Variants in SHOX observed in about 807,000 individuals in gnomAD.
SHOX encodes the protein short stature homeobox protein.
In SHOX, 12 loss-of-function variants were observed where a neutral mutation model predicts 29.6. That is an observed-to-expected ratio of 0.41 (90% CI 0.26 to 0.66). The LOEUF is 0.66. Ranked by LOEUF, SHOX falls within the 30% of genes least tolerant of loss-of-function variation. The probability of loss-of-function intolerance (pLI) is 0.35; values close to 1 mark genes in which losing one functional copy is unlikely to be tolerated. For synonymous variants in SHOX, 214 were observed against 200.6 expected, an observed-to-expected ratio of 1.07 and a Z score of -0.57; for missense variants, 499 against 437.7, an observed-to-expected ratio of 1.14 and a Z score of -1.25.
At position 648,341 on chromosome X, in the gene SHOX, C is replaced by T. The variant is rs779275972; in HGVS notation, c.*3705C>T. Among the ~76,000 whole-genome samples, 3 of 151,668 alleles carry T rather than the reference C, an allele frequency of 2.0e-5. No individual in the cohort carries two copies. Among genetic ancestry groups the T allele is most frequent in the South Asian group, 4.2e-4 (2 of 4,784 alleles). On this transcript the variant is annotated 3_prime_UTR_variant, in exon 5 of 5. Transcript: ENST00000686671. ...GGTAGTTTTAGTAGAGACAGGGTTT[C>T]AGCCTCCCGAGTAGCTGGGATTACA...
intron 5 of SHOX, among the ~76,000 whole-genome samples, chrX:656,921 G>A (rs113820839): frequency 1.7e-5 from 1 of 57,648 alleles, no homozygotes; most frequent in East Asian, 9.1e-4. Context: ...GCAAGACTCC[G>A]TCTCAAAAAA....
At chrX:644,213 G>A (rs1223014530) in intron 4 of SHOX, 178 bp from the exon 5 acceptor site, 2 of 473,556 alleles carry the variant, frequency 4.2e-6, no homozygotes, top group African/African-American at 2.1e-5. Flanking sequence ...CAGTGGCAGC[G>A]CCAATTCTGG....
At chrX:629,934 A>AT (rs2052617316), upstream of SHOX, among the ~76,000 whole-genome samples, 1 of 152,218 alleles carries the variant, frequency 6.6e-6, no homozygotes, top group East Asian at 1.9e-4. Flanking sequence ...AAACACAAGT[A>AT]TTTTTTTCAC....
intron 1 of SHOX, chrX:631,851 A>T: frequency 2.2e-6 from 1 of 454,902 alleles, no homozygotes; most frequent in Non-Finnish European, 4.4e-6. Flanking sequence ...ACGGCTTAGG[A>T]TGTGTGTTTC....
chrX:624,766 T>C (rs1039662099), intron 1 of SHOX, among the ~76,000 whole-genome samples: 3 of 123,736 alleles, frequency 2.4e-5, no homozygotes, highest in Non-Finnish European at 3.4e-5. Context: ...CTTGGCAAGA[T>C]TGGTTTTGGA....
In SHOX at chrX:647,152, C is replaced by T. The variant is rs1257017126; in HGVS notation, c.*2516C>T. Among the ~76,000 whole-genome samples the T allele has an allele frequency of 6.6e-6, 1 of 152,246 alleles. No individual in the cohort carries two copies. The highest frequency in any genetic ancestry group is 1.5e-5 in the Non-Finnish European group (1 of 68,038). ...AGTGCAGTGGCACAATCTCGGCTCA[C>T]CGCAACCTCCGCCTCCCGGGTTCAA... On this transcript the variant is annotated 3_prime_UTR_variant, in exon 5 of 5. Transcript: ENST00000686671.
intron 1 of SHOX, among the ~76,000 whole-genome samples, chrX:625,697 G>C (rs2052516131): frequency 1.4e-5 from 1 of 70,938 alleles, no homozygotes. Context: ...CTCTTCCTCT[G>C]TCTCTCTTTC....
chrX:633,639 A>T (rs1337836430), intron 1 of SHOX, among the ~76,000 whole-genome samples: 1 of 152,028 alleles, frequency 6.6e-6, no homozygotes, highest in African/African-American at 2.4e-5. Context: ...CTGTTTCCAG[A>T]CTAAACTTCC....
intron 1 of SHOX, among the ~76,000 whole-genome samples, chrX:625,693 C>G (rs1398591275): frequency 1.1e-5 from 1 of 90,658 alleles, no homozygotes; most frequent in African/African-American, 6.4e-5. Flanking sequence ...TTCTCTCTTC[C>G]TCTGTCTCTC....
In SHOX at chrX:645,433, C is replaced by A. The variant is rs2052950233; in HGVS notation, c.*797C>A. ...TTTTTTTTTTTTTTTTGCTGTGTTA[C>A]AGGATTCAGACGCAAAAGACTTGCA... On this transcript the variant is annotated 3_prime_UTR_variant, in exon 5 of 5. Coordinates refer to ENST00000686671, the MANE Select transcript of SHOX (RefSeq NM_000451.4). The A allele has an allele frequency of 9.4e-6, 1 of 106,028 alleles. No homozygotes were observed. The highest frequency in any genetic ancestry group is 3.4e-4 in the East Asian group (1 of 2,966). 6.6% of individuals were successfully genotyped at this position (106,028 alleles called of 1,614,324 possible).
rs2052709849 is a variant in SHOX at position 634,650 on chromosome X, G to T, written c.310G>T (p.Val104Leu). ...IYECKEKREDVKSEDEDGQTK... is the reference protein window; with the variant it reads ...IYECKEKREDLKSEDEDGQTK... ...TGAATGCAAAGAGAAGCGCGAGGAC[G>T]TGAAGTCGGAGGACGAGGACGGGCA... Residue 104 changes from valine to leucine, a missense_variant, in exon 2 of 5, where the codon GTG becomes TTG. Coordinates refer to ENST00000686671, the MANE Select transcript of SHOX (RefSeq NM_000451.4). 3 of 1,613,886 alleles carry T rather than the reference G, an allele frequency of 1.9e-6. No individual in the cohort carries two copies. In the East Asian group the frequency reaches 6.7e-5, roughly 36 times the overall value.
In SHOX at chrX:651,023, C is replaced by T. The variant is rs1202185119; in HGVS notation, c.*6387C>T. On this transcript the variant is annotated 3_prime_UTR_variant, in exon 5 of 5. Coordinates refer to ENST00000686671, the MANE Select transcript of SHOX (RefSeq NM_000451.4). ...GAAAGGGGATGTGGCTTCACGAGTT[C>T]AGCCCATTGTACGTGCAGGTCCCGT... Among the ~76,000 whole-genome samples, 1 of 152,026 alleles carries T rather than the reference C, an allele frequency of 6.6e-6. No individual in the cohort carries two copies. Among genetic ancestry groups the T allele is most frequent in the Non-Finnish European group, 1.5e-5 (1 of 68,022 alleles).
upstream of SHOX, among the ~76,000 whole-genome samples, chrX:627,630 G>A (rs1271881532): frequency 1.3e-5 from 2 of 151,974 alleles, no homozygotes; most frequent in African/African-American, 4.8e-5. Context: ...GTTGAAAAAG[G>A]GCCTTTGCTT....
intron 1 of SHOX, among the ~76,000 whole-genome samples, chrX:625,197 C>G (rs1603281500): frequency 7.7e-6 from 1 of 129,068 alleles, no homozygotes; most frequent in African/African-American, 3.0e-5. Flanking sequence ...CCCTCCTCCT[C>G]CTCCTTCTCC....
At chrX:624,861 CTTT>C (rs376332410) in intron 1 of SHOX, among the ~76,000 whole-genome samples, 3 of 56,448 alleles carry the variant, frequency 5.3e-5, no homozygotes, top group African/African-American at 7.8e-5. Flanking sequence ...CTCTTTCTTT[CTTT>C]TCTTTCTTTC....
chrX:640,966 C>T (rs2052842541), intron 3 of SHOX, 33 bp from the exon 4 acceptor site: 4 of 1,613,286 alleles, frequency 2.5e-6, no homozygotes, highest in Admixed American at 1.7e-5. Flanking sequence ...CACCCAGGAC[C>T]ACCACACTGA....
downstream of SHOX, among the ~76,000 whole-genome samples, chrX:656,012 TCCAAAAAA>T (rs2053141221): frequency 6.9e-6 from 1 of 145,726 alleles, no homozygotes; most frequent in Non-Finnish European, 1.5e-5. Flanking sequence ...ACCCTGTCTC[TCCAAAAAA>T]TAAAACATTT....
intron 1 of SHOX, 54 bp downstream of exon 1, chrX:631,228 C>G: frequency 6.3e-7 from 1 of 1,599,886 alleles, no homozygotes; most frequent in Non-Finnish European, 8.6e-7. Context: ...TTCGGCGCCT[C>G]CTCGCCACGG....
At chrX:635,485 C>A (rs1027751074) in intron 2 of SHOX, among the ~76,000 whole-genome samples, 2 of 152,164 alleles carry the variant, frequency 1.3e-5, no homozygotes, top group African/African-American at 4.8e-5. Context: ...CCCTCTCCAG[C>A]CCTGTCCTCT....
Sources: gnomAD v4.1 joint callset for allele counts (sites outside exome capture counted in the v4.1 genomes callset) on GRCh38, gnomAD v4.1.1 for gene constraint, MANE v1.5 for transcripts, NCBI Gene and HGNC (gene_info 2026-07-23, HGNC 2026-07-21) for gene names.